The following SRPK2 variants were observed in gnomAD, a reference collection of about 807,000 sequenced individuals.
SRPK2 encodes SFRS protein kinase 2.
Under a neutral mutation model 90.8 loss-of-function variants are expected in SRPK2, and 21 were observed. The ratio of observed to expected loss-of-function variants is 0.23; its 90% CI spans 0.16 to 0.33. The LOEUF (loss-of-function observed/expected upper bound fraction) is 0.33. Ranked by LOEUF, SRPK2 falls within the 10% of genes least tolerant of loss-of-function variation. SRPK2 has a pLI of 1.00. For missense variants in SRPK2, 620 were observed against 869.0 expected (o/e 0.71, Z 3.60); for synonymous variants, 288 against 311.1 (o/e 0.93, Z 0.78).
chr7:105,224,148 C>T (rs1366863114), intron 2 of SRPK2, among the ~76,000 whole-genome samples: 1 of 152,164 alleles, frequency 6.6e-6, no homozygotes, highest in Non-Finnish European at 1.5e-5. Context: ...CCATATTAAG[C>T]AGCCCCATTC....
intron 11 of SRPK2, among the ~76,000 whole-genome samples, chr7:105,136,732 C>A (rs1056610020): frequency 6.6e-6 from 1 of 152,168 alleles, no homozygotes; most frequent in South Asian, 2.1e-4. Context: ...GGGGTCCTTA[C>A]AAGGACGACA....
At chr7:105,279,621 G>A (rs544294138) in intron 2 of SRPK2, among the ~76,000 whole-genome samples, 78 of 152,184 alleles carry the variant, frequency 5.1e-4, no homozygotes, top group Non-Finnish European at 9.0e-4. Context: ...TGTTACCAGT[G>A]TTTCGGTATA....
intron 2 of SRPK2, among the ~76,000 whole-genome samples, chr7:105,256,767 T>C (rs1280918481): frequency 2.6e-5 from 4 of 152,122 alleles, no homozygotes; most frequent in Admixed American, 2.0e-4. Context: ...ACGGCAGCAA[T>C]CAGCAAGAGA....
intron 2 of SRPK2, among the ~76,000 whole-genome samples, chr7:105,331,330 A>C (rs1170522906): frequency 5.5e-5 from 8 of 145,022 alleles, no homozygotes; most frequent in Middle Eastern, 6.9e-3. Flanking sequence ...AAAAAAAAAA[A>C]AAAAAAACAA....
intron 3 of SRPK2, among the ~76,000 whole-genome samples, chr7:105,201,983 T>A (rs191324348): frequency 1.3e-4 from 20 of 152,114 alleles, no homozygotes; most frequent in African/African-American, 4.8e-4. Flanking sequence ...AAATGAAGAG[T>A]AAGAGGGAGG....
At chr7:105,371,560 T>C (rs1347612583) in intron 2 of SRPK2, among the ~76,000 whole-genome samples, 1 of 117,570 alleles carries the variant, frequency 8.5e-6, no homozygotes. Context: ...GAGACCAGCC[T>C]GGGCAACAGT....
chr7:105,193,439 T>C (rs1394079211), intron 3 of SRPK2, among the ~76,000 whole-genome samples: 2 of 152,240 alleles, frequency 1.3e-5, no homozygotes, highest in Non-Finnish European at 2.9e-5. Flanking sequence ...ACTGTGCTCT[T>C]ACAGTACAGT....
At chr7:105,324,017 G>GTGTGTGTGTGTGT (rs57000432) in intron 2 of SRPK2, among the ~76,000 whole-genome samples, 1 of 148,444 alleles carries the variant, frequency 6.7e-6, no homozygotes, top group African/African-American at 2.5e-5. Context: ...GTGTGTGTGT[G>GTGTGTGTGTGTGT]GTGGAGTCTC....
chr7:105,287,094 T>G (rs1254042402), intron 2 of SRPK2, among the ~76,000 whole-genome samples: 1 of 150,640 alleles, frequency 6.6e-6, no homozygotes, highest in African/African-American at 2.4e-5. Flanking sequence ...ACCCCGTCTC[T>G]ACTAAAAATA....
At chr7:105,378,570 C>T (rs768395168) in intron 2 of SRPK2, among the ~76,000 whole-genome samples, 2 of 152,050 alleles carry the variant, frequency 1.3e-5, no homozygotes, top group Non-Finnish European at 2.9e-5. Flanking sequence ...CAAGACCATC[C>T]TGGCCAACAT....
intron 2 of SRPK2, among the ~76,000 whole-genome samples, chr7:105,342,009 A>C (rs983746663): frequency 2.0e-5 from 3 of 151,866 alleles, no homozygotes; most frequent in African/African-American, 7.3e-5. Flanking sequence ...CATGCCTGTA[A>C]TCCCAGCACT....
chr7:105,335,438 C>A (rs1339974134), intron 2 of SRPK2, among the ~76,000 whole-genome samples: 1 of 150,178 alleles, frequency 6.7e-6, no homozygotes, highest in East Asian at 2.0e-4. Context: ...AGCAGGAGAA[C>A]TGGATGAGCC....
chr7:105,309,837 G>A (rs1466310197), intron 2 of SRPK2, among the ~76,000 whole-genome samples: 1 of 152,146 alleles, frequency 6.6e-6, no homozygotes, highest in African/African-American at 2.4e-5. Context: ...AGATACTGGT[G>A]CCAACCCTGG....
intron 2 of SRPK2, among the ~76,000 whole-genome samples, chr7:105,376,848 CT>C (rs35855824): frequency 0.17 from 16,387 of 98,662 alleles, 1,651 homozygotes; most frequent in East Asian, 0.58. Context: ...CCCCACCCCC[CT>C]TTTTTTTTTA....
chr7:105,313,033 T>C (rs1280771108), intron 2 of SRPK2, among the ~76,000 whole-genome samples: 2 of 152,052 alleles, frequency 1.3e-5, no homozygotes, highest in African/African-American at 4.8e-5. Context: ...AATGAATTAA[T>C]GAATGTAGGC....
chr7:105,265,675 G>A (rs1804963940), intron 2 of SRPK2, among the ~76,000 whole-genome samples: 1 of 151,778 alleles, frequency 6.6e-6, no homozygotes, highest in South Asian at 2.1e-4. Context: ...AGTAAACAAG[G>A]GAGTAAAAAT....
At chr7:105,297,546 A>G (rs1209267754) in intron 2 of SRPK2, 24 of 968,296 alleles carry the variant, frequency 2.5e-5, no homozygotes, top group Non-Finnish European at 2.9e-5. Flanking sequence ...ATAAAAGATA[A>G]GGCACACCGT....
chr7:105,255,473 G>A (rs1803144074), intron 2 of SRPK2, among the ~76,000 whole-genome samples: 1 of 152,126 alleles, frequency 6.6e-6, no homozygotes, highest in Admixed American at 6.5e-5. Context: ...GGAAAAGACA[G>A]ATGGAAAAGA....
chr7:105,348,494 G>A (rs1264152218), intron 2 of SRPK2, among the ~76,000 whole-genome samples: 1 of 146,964 alleles, frequency 6.8e-6, no homozygotes, highest in Non-Finnish European at 1.5e-5. Context: ...GCATGATCAC[G>A]GCTCACTGCA....
Sources: allele counts gnomAD v4.1 joint callset (sites outside exome capture counted in the v4.1 genomes callset), GRCh38; gene constraint gnomAD v4.1.1; transcripts MANE v1.5; gene names NCBI Gene and HGNC (gene_info 2026-07-23, HGNC 2026-07-21).